Variants in COLQ observed in about 807,000 individuals in gnomAD.
COLQ encodes the protein collagen like tail subunit of asymmetric acetylcholinesterase, also known as acetylcholinesterase collagenic tail peptide.
In COLQ, 48 loss-of-function variants were observed where a neutral mutation model predicts 69.0. The ratio of observed to expected loss-of-function variants is 0.70; its 90% CI spans 0.55 to 0.88. COLQ has a LOEUF of 0.88. COLQ is among the 40% of genes least tolerant of loss of function. The pLI is 0.00. For missense variants in COLQ, 618 were observed against 594.6 expected, an observed-to-expected ratio of 1.04 and a Z score of -0.41; for synonymous variants, 217 against 211.2, an observed-to-expected ratio of 1.03 and a Z score of -0.24.
At chr3:15,457,255 A>T (rs2062038787) in intron 13 of COLQ, among the ~76,000 whole-genome samples, 1 of 152,172 alleles carries the variant, frequency 6.6e-6, no homozygotes, top group African/African-American at 2.4e-5. Context: ...TCTTTACAGC[A>T]TTATTTACAT....
chr3:15,483,022 T>C (rs756069729), intron 3 of COLQ, among the ~76,000 whole-genome samples: 4 of 152,260 alleles, frequency 2.6e-5, no homozygotes, highest in African/African-American at 4.8e-5. Context: ...TGTTTTCTTA[T>C]GGTAGTTTGT....
chr3:15,454,398 C>T (rs963037731), intron 15 of COLQ, among the ~76,000 whole-genome samples: 1 of 152,204 alleles, frequency 6.6e-6, no homozygotes, highest in Non-Finnish European at 1.5e-5. Context: ...AAGACCTCTG[C>T]TCTCACACGA....
At chr3:15,456,974 C>A (rs1367169180) in intron 13 of COLQ, among the ~76,000 whole-genome samples, 1 of 151,924 alleles carries the variant, frequency 6.6e-6, no homozygotes, top group Non-Finnish European at 1.5e-5. Context: ...AGGTGTGCAC[C>A]ACAATGCCTG....
chr3:15,482,349 T>A (rs1442281398), intron 3 of COLQ, among the ~76,000 whole-genome samples: 1 of 152,218 alleles, frequency 6.6e-6, no homozygotes, highest in African/African-American at 2.4e-5. Context: ...TACGGGTTTG[T>A]CATAAATAGC....
At chr3:15,478,923 C>T (rs2062427948) in intron 5 of COLQ, 54 bp downstream of exon 5, 1 of 1,610,496 alleles carries the variant, frequency 6.2e-7, no homozygotes, top group Admixed American at 1.7e-5. Context: ...AGTGCATGCA[C>T]ACACATGAAG....
At chr3:15,452,614 C>T (rs913698235) in intron 16 of COLQ, among the ~76,000 whole-genome samples, 7 of 152,092 alleles carry the variant, frequency 4.6e-5, no homozygotes, top group African/African-American at 9.7e-5. Flanking sequence ...CATATCTGAT[C>T]GTCTACATTG....
In COLQ at chr3:15,451,833, A is replaced by T; in HGVS notation, c.1299-120T>A. 5.8e-6 allele frequency: 5 copies of T among 856,702 alleles called. No homozygotes were observed. The South Asian group carries it at 6.9e-5, about 12-fold the overall frequency. The allele number at this position is 856,702 out of a possible 1,614,324, so 53.1% of individuals were successfully genotyped here. ...TCTACAAGAACTTTTTCCCATTCTC[A>T]TTTGGAGTGAGAGGCCTGGGGGAGT... is the stretch of plus-strand genomic sequence containing the variant. On this transcript the variant is annotated intron_variant, in intron 16 of 16. Coordinates refer to ENST00000383788, the MANE Select transcript of COLQ (RefSeq NM_005677.4).
intron 1 of COLQ, 71 bp downstream of exon 1, chr3:15,521,449 G>A (rs1362469059): frequency 2.5e-6 from 4 of 1,594,302 alleles, no homozygotes; most frequent in Non-Finnish European, 3.4e-6. Flanking sequence ...AGGACACATT[G>A]CAAAACAATC....
Position 15,458,182 on chromosome 3 carries a change from T to C in COLQ, c.954+4A>G, listed in dbSNP as rs1172298387. The stretch of plus-strand genomic sequence containing the variant: ...CACCCCAGACTTCTCCCAGAAAGCC[T>C]TACCACAGGAACTCGCGGGGAACTG... On this transcript the variant is annotated splice_donor_region_variant and intron_variant, in intron 13 of 16. Transcript: ENST00000383788. 2 of 1,613,310 alleles carry C rather than the reference T, an allele frequency of 1.2e-6. No homozygotes were observed. Among genetic ancestry groups the C allele is most frequent in the Non-Finnish European group, 1.7e-6 (2 of 1,179,982 alleles).
chr3:15,468,028 G>A, intron 11 of COLQ: 1 of 451,526 alleles, frequency 2.2e-6, no homozygotes, highest in South Asian at 1.6e-5. Flanking sequence ...TCTCAGGATG[G>A]CAAAGGAAGT....
At position 15,455,781 on chromosome 3, in the gene COLQ, T is replaced by C. The variant is rs928911877; in HGVS notation, c.1195+118A>G. The C allele has an allele frequency of 1.9e-5, 26 of 1,388,968 alleles. No homozygotes were observed. In the African/African-American group the frequency reaches 3.7e-4, roughly 20 times the overall value. The allele number at this position is 1,388,968 out of a possible 1,614,324, so 86.0% of individuals were successfully genotyped here. On this transcript the variant is annotated intron_variant, in intron 15 of 16. Transcript: ENST00000383788. ...TGGGTGGCACAAGGTGGCCTGGGTA[T>C]ACCCTTCTCTGGCTCTAGAAAGGTC... is the stretch of plus-strand genomic sequence containing the variant.
At chr3:15,510,735 T>G (rs1440105967) in intron 1 of COLQ, among the ~76,000 whole-genome samples, 3 of 69,890 alleles carry the variant, frequency 4.3e-5, no homozygotes, top group Admixed American at 2.1e-4. Flanking sequence ...GGGGACAGGA[T>G]GGGAGGGGAC....
chr3:15,510,552 A>G (rs1367162043), intron 1 of COLQ, among the ~76,000 whole-genome samples: 2 of 151,776 alleles, frequency 1.3e-5, no homozygotes, highest in African/African-American at 2.4e-5. Context: ...TACAAAAAAT[A>G]CAAAACTTGG....
At chr3:15,498,113 G>A (rs2062774195) in intron 1 of COLQ, among the ~76,000 whole-genome samples, 1 of 152,150 alleles carries the variant, frequency 6.6e-6, no homozygotes, top group African/African-American at 2.4e-5. Context: ...GCCACCCAAC[G>A]CCAGCGGGGG....
chr3:15,518,058 G>A (rs1326320403), intron 1 of COLQ, among the ~76,000 whole-genome samples: 2 of 152,082 alleles, frequency 1.3e-5, no homozygotes, highest in East Asian at 1.9e-4. Context: ...CAATTCTCCC[G>A]CCTCAGCCTC....
At chr3:15,490,129 C>G (rs572235911) in intron 1 of COLQ, among the ~76,000 whole-genome samples, 1 of 152,328 alleles carries the variant, frequency 6.6e-6, no homozygotes, top group South Asian at 2.1e-4. Flanking sequence ...ACTTTACAAA[C>G]ACATTCACGT....
intron 1 of COLQ, among the ~76,000 whole-genome samples, chr3:15,505,327 C>T (rs188848227): frequency 7.2e-4 from 110 of 152,310 alleles, no homozygotes; most frequent in African/African-American, 2.6e-3. Flanking sequence ...AAAGTCTATC[C>T]TCACTACAAG....
intron 1 of COLQ, chr3:15,498,801 T>A: frequency 6.8e-7 from 1 of 1,481,198 alleles, no homozygotes; most frequent in Non-Finnish European, 8.9e-7. Flanking sequence ...GCAGCCCTGC[T>A]CCAGCTGCCC....
intron 1 of COLQ, among the ~76,000 whole-genome samples, chr3:15,493,310 C>T (rs961060463): frequency 6.6e-6 from 1 of 152,208 alleles, no homozygotes; most frequent in African/African-American, 2.4e-5. Context: ...AGAAGCAGAG[C>T]TTCACTCACA....
Sources: allele counts gnomAD v4.1 joint callset (sites outside exome capture counted in the v4.1 genomes callset), GRCh38; gene constraint gnomAD v4.1.1; transcripts MANE v1.5; gene names NCBI Gene and HGNC (gene_info 2026-07-23, HGNC 2026-07-21).